The following ADGRB3 variants were observed in gnomAD, a reference collection of about 807,000 sequenced individuals.
The protein encoded by ADGRB3 is brain-specific angiogenesis inhibitor 3.
Under a neutral mutation model 193.4 loss-of-function variants are expected in ADGRB3, and 37 were observed. The observed-to-expected ratio is 0.19, with a 90% CI of 0.15 to 0.25. The LOEUF (loss-of-function observed/expected upper bound fraction) is 0.25. ADGRB3 is among the 10% of genes least tolerant of loss of function. The probability of loss-of-function intolerance (pLI) is 1.00; values close to 1 mark genes in which losing one functional copy is unlikely to be tolerated. For missense variants in ADGRB3, 1,637 were observed against 1,852.9 expected (o/e 0.88, Z 2.14); for synonymous variants, 690 against 644.2 (o/e 1.07, Z -1.08).
chr6:69,025,600 C>G (rs1450891725), intron 13 of ADGRB3, among the ~76,000 whole-genome samples: 1 of 150,208 alleles, frequency 6.7e-6, no homozygotes, highest in African/African-American at 2.5e-5. Flanking sequence ...TCTGAATGTG[C>G]TAAGTTCTAT....
At chr6:68,981,545 G>C (rs1768909319) in intron 10 of ADGRB3, among the ~76,000 whole-genome samples, 1 of 151,502 alleles carries the variant, frequency 6.6e-6, no homozygotes, top group Middle Eastern at 3.2e-3. Context: ...TATAAGTCTA[G>C]AACAGGGCTG....
At chr6:69,037,247 A>G (rs1249590325) in intron 13 of ADGRB3, among the ~76,000 whole-genome samples, 1 of 152,210 alleles carries the variant, frequency 6.6e-6, no homozygotes, top group Non-Finnish European at 1.5e-5. Context: ...GTAGTGGAAA[A>G]TAAAGGATTC....
intron 11 of ADGRB3, among the ~76,000 whole-genome samples, chr6:69,004,955 G>A (rs1434783123): frequency 6.6e-6 from 1 of 152,060 alleles, no homozygotes; most frequent in Non-Finnish European, 1.5e-5. Context: ...GTCTAAACTT[G>A]TGATGTGTGC....
chr6:68,758,370 G>T (rs1184516952), intron 3 of ADGRB3, among the ~76,000 whole-genome samples: 1 of 151,988 alleles, frequency 6.6e-6, no homozygotes, highest in Non-Finnish European at 1.5e-5. Flanking sequence ...CATCAAGGTT[G>T]TCTCTAGTCC....
chr6:69,006,807 G>A (rs1409350529), intron 11 of ADGRB3, among the ~76,000 whole-genome samples: 2 of 151,752 alleles, frequency 1.3e-5, no homozygotes, highest in African/African-American at 4.8e-5. Context: ...TCTGTTACCT[G>A]TCTTTCCTGC....
chr6:69,308,920 A>G (rs956465265), intron 20 of ADGRB3, among the ~76,000 whole-genome samples: 1 of 151,646 alleles, frequency 6.6e-6, no homozygotes, highest in Non-Finnish European at 1.5e-5. Flanking sequence ...ACTTAATCAT[A>G]TGACCTCAGC....
intron 3 of ADGRB3, among the ~76,000 whole-genome samples, chr6:68,884,226 G>C (rs1000533314): frequency 1.3e-5 from 2 of 152,156 alleles, no homozygotes; most frequent in African/African-American, 4.8e-5. Context: ...TGAGCACTTC[G>C]TTCATGTAAG....
chr6:68,795,068 CAAGT>C (rs771045736), intron 3 of ADGRB3, among the ~76,000 whole-genome samples: 1 of 151,802 alleles, frequency 6.6e-6, no homozygotes, highest in Non-Finnish European at 1.5e-5. Context: ...CAGGAGAGCC[CAAGT>C]AATGAGGCTT....
At position 68,975,230 on chromosome 6, in the gene ADGRB3, A is replaced by G. The variant is rs143725366; in HGVS notation, c.1628-4A>G. ...AGCTTCTCTCTGTTCTTTGTGACACACAGGCACCACTAGCAGACGCTGCTC... is the reference window on the plus strand; with the variant it reads ...AGCTTCTCTCTGTTCTTTGTGACACGCAGGCACCACTAGCAGACGCTGCTC... On this transcript the variant is annotated splice_polypyrimidine_tract_variant and splice_region_variant and intron_variant, in intron 9 of 31. Transcript: ENST00000370598. 5.0e-6 allele frequency: 8 copies of G among 1,613,050 alleles called. No homozygotes were observed. The African/African-American group carries it at 6.7e-5, about 13-fold the overall frequency.
chr6:69,220,816 T>G (rs890047750), intron 17 of ADGRB3, among the ~76,000 whole-genome samples: 2 of 152,134 alleles, frequency 1.3e-5, no homozygotes, highest in East Asian at 3.9e-4. Flanking sequence ...AGTATATATT[T>G]ATTTAAATAC....
Position 69,215,491 on chromosome 6 carries a change from T to A in ADGRB3, c.2481-17799T>A, listed in dbSNP as rs533224417. ...GTGTGTGTGTGTGTGTGTAGATAGA[T>A]GTAGATAGATATATCTCTATAGATA... On this transcript the variant is annotated intron_variant, in intron 17 of 31. Transcript: ENST00000370598. 6.6e-5 allele frequency among the ~76,000 whole-genome samples: 10 copies of A among 151,870 alleles called. No individual in the cohort carries two copies. In the South Asian group the frequency reaches 2.1e-3, roughly 32 times the overall value.
intron 17 of ADGRB3, among the ~76,000 whole-genome samples, chr6:69,146,343 G>T (rs949716997): frequency 2.6e-5 from 4 of 152,344 alleles, no homozygotes; most frequent in South Asian, 2.1e-4. Context: ...CACTGGGAAT[G>T]GGGAGAATCC....
At chr6:69,120,905 T>C (rs1773660883) in intron 17 of ADGRB3, among the ~76,000 whole-genome samples, 1 of 152,044 alleles carries the variant, frequency 6.6e-6, no homozygotes, top group South Asian at 2.1e-4. Context: ...TTTACCTCAC[T>C]TGCATGTAAA....
chr6:69,190,949 G>A (rs907393551), intron 17 of ADGRB3, among the ~76,000 whole-genome samples: 1 of 148,950 alleles, frequency 6.7e-6, no homozygotes, highest in African/African-American at 2.5e-5. Flanking sequence ...ATGTACCCCA[G>A]GTTTGTATTA....
At chr6:68,981,273 C>G (rs993743603) in intron 10 of ADGRB3, among the ~76,000 whole-genome samples, 4 of 151,610 alleles carry the variant, frequency 2.6e-5, no homozygotes, top group African/African-American at 9.7e-5. Context: ...ATTTTGAGAT[C>G]TGAGTTCAGC....
At chr6:68,866,720 G>A (rs1364801769) in intron 3 of ADGRB3, among the ~76,000 whole-genome samples, 1 of 152,176 alleles carries the variant, frequency 6.6e-6, no homozygotes, top group African/African-American at 2.4e-5. Flanking sequence ...AGTCTCAGAT[G>A]GAGATTAGGA....
intron 3 of ADGRB3, among the ~76,000 whole-genome samples, chr6:68,881,749 T>A (rs748057074): frequency 1.3e-5 from 2 of 152,232 alleles, no homozygotes; most frequent in Non-Finnish European, 2.9e-5. Flanking sequence ...AATGGCTAGC[T>A]TTTAATCAGC....
intron 3 of ADGRB3, among the ~76,000 whole-genome samples, chr6:68,919,246 C>A (rs1357561062): frequency 6.6e-6 from 1 of 152,198 alleles, no homozygotes; most frequent in Non-Finnish European, 1.5e-5. Context: ...AAACAGCTTT[C>A]TGCAGTATTT....
chr6:68,892,752 C>T (rs535587880), intron 3 of ADGRB3, among the ~76,000 whole-genome samples: 142 of 151,782 alleles, frequency 9.4e-4, no homozygotes, highest in African/African-American at 3.3e-3. Flanking sequence ...CAGTATATTT[C>T]GGCAAAAAAA....
Sources: allele counts gnomAD v4.1 joint callset (sites outside exome capture counted in the v4.1 genomes callset), GRCh38; gene constraint gnomAD v4.1.1; transcripts MANE v1.5; gene names NCBI Gene and HGNC (gene_info 2026-07-23, HGNC 2026-07-21).